The following RNGTT variants were observed in gnomAD, a reference collection of about 807,000 sequenced individuals.
RNGTT encodes mRNA-capping enzyme.
Under a neutral mutation model 79.3 loss-of-function variants are expected in RNGTT, and 33 were observed. The observed-to-expected ratio is 0.42, with a 90% CI of 0.32 to 0.56. RNGTT has a LOEUF of 0.56. Ranked by LOEUF, RNGTT falls within the 20% of genes least tolerant of loss-of-function variation. The probability of loss-of-function intolerance (pLI) is 0.17; values close to 1 mark genes in which losing one functional copy is unlikely to be tolerated. For missense variants in RNGTT, 497 were observed against 739.1 expected (o/e 0.67, Z 3.80); for synonymous variants, 222 against 235.9 (o/e 0.94, Z 0.54).
chr6:88,868,599 T>G (rs918703212), intron 8 of RNGTT, among the ~76,000 whole-genome samples: 2 of 152,226 alleles, frequency 1.3e-5, no homozygotes, highest in Non-Finnish European at 1.5e-5. Flanking sequence ...TTAGAGTCTA[T>G]GTCATGTCAT....
chr6:88,885,893 C>G (rs1782840542), intron 8 of RNGTT, among the ~76,000 whole-genome samples: 1 of 152,156 alleles, frequency 6.6e-6, no homozygotes, highest in African/African-American at 2.4e-5. Flanking sequence ...GATGTTCTTG[C>G]AAGCATGCCC....
intron 13 of RNGTT, among the ~76,000 whole-genome samples, chr6:88,727,986 T>C (rs1457118245): frequency 6.6e-6 from 1 of 152,104 alleles, no homozygotes; most frequent in African/African-American, 2.4e-5. Flanking sequence ...GGAAGGACCC[T>C]ACCTTGTGCT....
chr6:88,962,795 G>T (rs938983053), intron 1 of RNGTT, among the ~76,000 whole-genome samples: 1 of 152,016 alleles, frequency 6.6e-6, no homozygotes, highest in Admixed American at 6.5e-5. Flanking sequence ...GCCGGGTGCG[G>T]TGGCAGGAGC....
intron 8 of RNGTT, among the ~76,000 whole-genome samples, chr6:88,884,671 C>G (rs1458609029): frequency 6.6e-6 from 1 of 152,014 alleles, no homozygotes; most frequent in Non-Finnish European, 1.5e-5. Flanking sequence ...AGGATGAGGG[C>G]AAACTCAGAA....
At chr6:88,612,942 A>G in intron 15 of RNGTT, 60 bp from the exon 16 acceptor site, 1 of 1,485,070 alleles carries the variant, frequency 6.7e-7, no homozygotes, top group Non-Finnish European at 9.2e-7. Context: ...GACTCACCAC[A>G]GGCTTATGAG....
At chr6:88,783,566 T>C (rs1779132693) in intron 12 of RNGTT, among the ~76,000 whole-genome samples, 2 of 152,078 alleles carry the variant, frequency 1.3e-5, no homozygotes, top group Non-Finnish European at 2.9e-5. Flanking sequence ...TGTCACAAAA[T>C]ATAGAATTTA....
chr6:88,853,059 A>C (rs1474294935), intron 9 of RNGTT, among the ~76,000 whole-genome samples: 2 of 152,330 alleles, frequency 1.3e-5, no homozygotes, highest in Non-Finnish European at 1.5e-5. Flanking sequence ...CACTCATTTA[A>C]CACCCTTTAC....
chr6:88,929,403 T>C lies in RNGTT; in HGVS notation c.175-136A>G, dbSNP rs112333103. The C allele has an allele frequency of 5.3e-3, 2,986 of 567,950 alleles. 14 individuals are homozygous for C. Among genetic ancestry groups the C allele is most frequent in the African/African-American group, 7.2e-3 (381 of 52,926 alleles). The allele number at this position is 567,950 out of a possible 1,614,324, so 35.2% of individuals were successfully genotyped here. A position where few individuals can be genotyped will look rare whatever the true frequency, so the allele number is the denominator to read the frequency against. Reference sequence around the variant, plus strand: ...CTGTATGTACTTTGCCCCTGAACAATTGATAATAAAAGTATCACTTATCAA... The same window carrying C: ...CTGTATGTACTTTGCCCCTGAACAACTGATAATAAAAGTATCACTTATCAA... On this transcript the variant is annotated intron_variant, in intron 2 of 15. Coordinates refer to ENST00000369485, the MANE Select transcript of RNGTT (RefSeq NM_003800.5).
At chr6:88,789,843 G>C (rs530380676) in intron 12 of RNGTT, among the ~76,000 whole-genome samples, 3 of 152,278 alleles carry the variant, frequency 2.0e-5, no homozygotes, top group African/African-American at 7.2e-5. Flanking sequence ...ATCAGGACTT[G>C]TTCTCCACTT....
intron 4 of RNGTT, among the ~76,000 whole-genome samples, chr6:88,925,165 G>GA (rs1163599640): frequency 4.0e-5 from 6 of 149,822 alleles, no homozygotes; most frequent in Non-Finnish European, 7.4e-5. Flanking sequence ...GCAGTGACAA[G>GA]AAAAAAAAAG....
chr6:88,659,824 A>G (rs1187674007), intron 14 of RNGTT, among the ~76,000 whole-genome samples: 1 of 152,196 alleles, frequency 6.6e-6, no homozygotes, highest in Non-Finnish European at 1.5e-5. Flanking sequence ...TTCATCACAA[A>G]AAGATGATTG....
At chr6:88,739,755 A>G (rs1369670949) in intron 13 of RNGTT, among the ~76,000 whole-genome samples, 8 of 59,438 alleles carry the variant, frequency 1.3e-4, no homozygotes, top group Non-Finnish European at 2.9e-4. Context: ...ATATATATAT[A>G]TATATATATA....
intron 14 of RNGTT, among the ~76,000 whole-genome samples, chr6:88,623,833 G>A (rs944778780): frequency 6.6e-6 from 1 of 152,014 alleles, no homozygotes; most frequent in Admixed American, 6.6e-5. Flanking sequence ...GATATACAAA[G>A]AGGCTCCTAG....
intron 13 of RNGTT, among the ~76,000 whole-genome samples, chr6:88,682,997 G>T (rs1212177781): frequency 1.3e-5 from 2 of 151,940 alleles, no homozygotes; most frequent in Non-Finnish European, 2.9e-5. Flanking sequence ...AAGTTATAAA[G>T]AAATTTACAA....
At chr6:88,808,884 G>C (rs911843030) in intron 11 of RNGTT, among the ~76,000 whole-genome samples, 1 of 152,110 alleles carries the variant, frequency 6.6e-6, no homozygotes, top group African/African-American at 2.4e-5. Context: ...TTGAGCCTGG[G>C]AAGCGGAGGT....
chr6:88,695,804 G>A (rs11965642), intron 13 of RNGTT, among the ~76,000 whole-genome samples: 390 of 152,228 alleles, frequency 2.6e-3, no homozygotes, highest in African/African-American at 9.2e-3. Context: ...TAAACAAATG[G>A]AATACTATTT....
At chr6:88,745,972 A>C (rs753040022) in intron 13 of RNGTT, among the ~76,000 whole-genome samples, 14 of 152,158 alleles carry the variant, frequency 9.2e-5, no homozygotes, top group Non-Finnish European at 1.9e-4. Context: ...CTCCTTTGCC[A>C]GCAGGTACAA....
intron 13 of RNGTT, among the ~76,000 whole-genome samples, chr6:88,750,174 C>T (rs933128014): frequency 9.9e-5 from 15 of 152,196 alleles, no homozygotes; most frequent in African/African-American, 3.6e-4. Context: ...TTTCAACATA[C>T]CTTTCTGAGA....
intron 13 of RNGTT, among the ~76,000 whole-genome samples, chr6:88,762,644 T>C: frequency 6.6e-6 from 1 of 152,230 alleles, no homozygotes; most frequent in South Asian, 2.1e-4. Context: ...TCTGCCACAG[T>C]AGAATCTACA....
Sources: allele counts gnomAD v4.1 joint callset (sites outside exome capture counted in the v4.1 genomes callset), GRCh38; gene constraint gnomAD v4.1.1; transcripts MANE v1.5; gene names NCBI Gene and HGNC (gene_info 2026-07-23, HGNC 2026-07-21).